EPHA6: variants seen among roughly 807,000 people sequenced by gnomAD.
EPHA6 encodes the protein EPH receptor A6, also known as ephrin type-A receptor 6.
Under a neutral mutation model 112.0 loss-of-function variants are expected in EPHA6, and 50 were observed. That is an observed-to-expected ratio of 0.45 (90% CI 0.36 to 0.56). The LOEUF is 0.56. Ranked by LOEUF, EPHA6 falls within the 20% of genes least tolerant of loss-of-function variation. The pLI is 0.00. For missense variants in EPHA6, 1,280 were observed against 1,417.4 expected, an observed-to-expected ratio of 0.90 and a Z score of 1.56; for synonymous variants, 529 against 490.7, an observed-to-expected ratio of 1.08 and a Z score of -1.03.
intron 13 of EPHA6, among the ~76,000 whole-genome samples, chr3:97,623,573 T>C (rs1260363313): frequency 6.6e-6 from 1 of 151,698 alleles, no homozygotes; most frequent in African/African-American, 2.4e-5. Context: ...GCATTCTATA[T>C]GACAGAAGGG....
chr3:97,112,435 T>G (rs942063703), intron 3 of EPHA6, among the ~76,000 whole-genome samples: 1 of 152,164 alleles, frequency 6.6e-6, no homozygotes, highest in Non-Finnish European at 1.5e-5. Flanking sequence ...TATTTTGGCT[T>G]ATCTGACCAA....
At chr3:96,947,393 A>C (rs539672952) in intron 2 of EPHA6, among the ~76,000 whole-genome samples, 1 of 152,268 alleles carries the variant, frequency 6.6e-6, no homozygotes, top group East Asian at 1.9e-4. Flanking sequence ...TCAGCTTTCT[A>C]CATATGGCTA....
intron 3 of EPHA6, among the ~76,000 whole-genome samples, chr3:97,035,056 G>T (rs917422256): frequency 6.6e-6 from 1 of 151,812 alleles, no homozygotes; most frequent in East Asian, 1.9e-4. Flanking sequence ...TTAACACCCT[G>T]ACTTTGTTTT....
intron 3 of EPHA6, among the ~76,000 whole-genome samples, chr3:97,114,113 G>A (rs1425687660): frequency 6.6e-6 from 1 of 152,096 alleles, no homozygotes; most frequent in Non-Finnish European, 1.5e-5. Flanking sequence ...GGATTTAGCA[G>A]AAGTAGTGGT....
At chr3:97,062,187 T>C (rs1362627169) in intron 3 of EPHA6, among the ~76,000 whole-genome samples, 1 of 152,136 alleles carries the variant, frequency 6.6e-6, no homozygotes, top group Non-Finnish European at 1.5e-5. Flanking sequence ...GTTTAGGAAT[T>C]GAAAATATCA....
intron 2 of EPHA6, among the ~76,000 whole-genome samples, chr3:96,941,780 T>C (rs1337680975): frequency 6.6e-6 from 1 of 152,230 alleles, no homozygotes; most frequent in Non-Finnish European, 1.5e-5. Flanking sequence ...GTTTTTGGTG[T>C]GGATGTCCTT....
intron 7 of EPHA6, chr3:97,466,140 G>A (rs1001201358): frequency 1.8e-6 from 1 of 555,078 alleles, no homozygotes; most frequent in Non-Finnish European, 3.3e-6. Flanking sequence ...GTAGAAAAAG[G>A]TTGTTTTAGA....
intron 3 of EPHA6, among the ~76,000 whole-genome samples, chr3:97,047,305 C>A (rs2045542083): frequency 6.6e-6 from 1 of 151,710 alleles, no homozygotes; most frequent in Non-Finnish European, 1.5e-5. Flanking sequence ...TCAAGACCAT[C>A]CTGGCTAACA....
intron 7 of EPHA6, among the ~76,000 whole-genome samples, chr3:97,450,645 A>T (rs1577449521): frequency 6.6e-6 from 1 of 152,186 alleles, no homozygotes; most frequent in East Asian, 1.9e-4. Context: ...ATTTCTTCAG[A>T]TGTTATGTAG....
rs984150080 is a variant in EPHA6 at position 97,759,329 on chromosome 3, G to A, written c.*10628G>A. ...AATCCCAACTGACATGGATTAAGGC[G>A]AGATGTAAAGGAAGGAGGTGAAATC... On this transcript the variant is annotated 3_prime_UTR_variant, in exon 18 of 18. Transcript: ENST00000389672. Among the ~76,000 whole-genome samples, 5 of 151,898 alleles carry A rather than the reference G, an allele frequency of 3.3e-5. No homozygotes were observed. Among genetic ancestry groups the A allele is most frequent in the African/African-American group, 1.2e-4 (5 of 41,392 alleles).
In EPHA6 at chr3:97,598,069, A is replaced by G. The variant is rs144952036; in HGVS notation, c.2512+5332A>G. Among the ~76,000 whole-genome samples the G allele has an allele frequency of 2.4e-3, 373 of 152,254 alleles. 2 individuals are homozygous for G. Among genetic ancestry groups the G allele is most frequent in the African/African-American group, 8.7e-3 (362 of 41,572 alleles). ...ATCAAATTGCACTTCAGAAAAATCA[A>G]AGTAGATCATTTTATTTCTTCATAT... On this transcript the variant is annotated intron_variant, in intron 12 of 17. Transcript: ENST00000389672.
chr3:97,551,451 A>G (rs2093027668), intron 11 of EPHA6, among the ~76,000 whole-genome samples: 1 of 152,182 alleles, frequency 6.6e-6, no homozygotes. Context: ...TGTCAAACAA[A>G]GACATCAGTG....
intron 3 of EPHA6, among the ~76,000 whole-genome samples, chr3:97,211,409 C>G (rs1345525476): frequency 6.6e-6 from 1 of 152,254 alleles, no homozygotes; most frequent in East Asian, 1.9e-4. Context: ...GTTTGGGCTT[C>G]TGTAACAAAA....
intron 3 of EPHA6, among the ~76,000 whole-genome samples, chr3:97,047,814 G>A (rs918016194): frequency 3.3e-5 from 5 of 152,076 alleles, no homozygotes; most frequent in Non-Finnish European, 5.9e-5. Flanking sequence ...ACCATATCAA[G>A]ACATGGGTTA....
chr3:97,387,280 A>G (rs1157050252), intron 5 of EPHA6, among the ~76,000 whole-genome samples: 1 of 149,828 alleles, frequency 6.7e-6, no homozygotes, highest in Non-Finnish European at 1.5e-5. Context: ...AATTTTCCCA[A>G]CTTCTGCTTC....
At chr3:97,372,110 C>A (rs1037571660) in intron 5 of EPHA6, among the ~76,000 whole-genome samples, 3 of 151,904 alleles carry the variant, frequency 2.0e-5, no homozygotes, top group African/African-American at 7.3e-5. Context: ...TCTCTGTGAC[C>A]CACACCCTAT....
chr3:96,853,993 C>G (rs2035544030), intron 1 of EPHA6, among the ~76,000 whole-genome samples: 1 of 151,822 alleles, frequency 6.6e-6, no homozygotes, highest in East Asian at 1.9e-4. Flanking sequence ...CTCTTCAGAG[C>G]CAGAATACTT....
At chr3:97,540,637 G>A (rs2092835489) in intron 11 of EPHA6, among the ~76,000 whole-genome samples, 1 of 151,918 alleles carries the variant, frequency 6.6e-6, no homozygotes, top group Admixed American at 6.6e-5. Flanking sequence ...CTAATTGTCG[G>A]GTAGACTACA....
intron 15 of EPHA6, among the ~76,000 whole-genome samples, chr3:97,722,050 C>A (rs1308881485): frequency 6.6e-6 from 1 of 152,132 alleles, no homozygotes; most frequent in African/African-American, 2.4e-5. Context: ...AATAAAAAGT[C>A]CTTCTCCTCC....
Sources: gnomAD v4.1 joint callset for allele counts (sites outside exome capture counted in the v4.1 genomes callset) on GRCh38, gnomAD v4.1.1 for gene constraint, MANE v1.5 for transcripts, NCBI Gene and HGNC (gene_info 2026-07-23, HGNC 2026-07-21) for gene names.